The following CDH6 variants were observed in gnomAD, a reference collection of about 807,000 sequenced individuals.
CDH6 encodes the protein cadherin-6.
Under a neutral mutation model 78.0 loss-of-function variants are expected in CDH6, and 31 were observed. The observed-to-expected ratio is 0.40, with a 90% CI of 0.30 to 0.54. The LOEUF (loss-of-function observed/expected upper bound fraction) is 0.54. Ranked by LOEUF, CDH6 falls within the 20% of genes least tolerant of loss-of-function variation. CDH6 has a pLI of 0.56. For missense variants in CDH6, 724 were observed against 975.9 expected (o/e 0.74, Z 3.44); for synonymous variants, 376 against 368.8 (o/e 1.02, Z -0.23).
At chr5:31,288,508 CTATT>C (rs962981212) in intron 2 of CDH6, among the ~76,000 whole-genome samples, 10 of 152,138 alleles carry the variant, frequency 6.6e-5, no homozygotes, top group Admixed American at 6.5e-5. Flanking sequence ...ACAACACTGT[CTATT>C]TATTAGCATT....
At chr5:31,253,147 G>A (rs1741954350) in intron 1 of CDH6, among the ~76,000 whole-genome samples, 1 of 152,188 alleles carries the variant, frequency 6.6e-6, no homozygotes, top group Admixed American at 6.5e-5. Context: ...TCACATGCCA[G>A]AAGGGGTCAG....
intron 2 of CDH6, among the ~76,000 whole-genome samples, chr5:31,268,897 A>T (rs1219368744): frequency 6.6e-6 from 1 of 152,202 alleles, no homozygotes; most frequent in Non-Finnish European, 1.5e-5. Flanking sequence ...TGAATTATTA[A>T]TGTAGAATAA....
intron 1 of CDH6, among the ~76,000 whole-genome samples, chr5:31,210,426 C>A (rs951566367): frequency 2.0e-5 from 3 of 152,112 alleles, no homozygotes; most frequent in Non-Finnish European, 4.4e-5. Context: ...ATCCCTTGAA[C>A]CTGGAAGGCG....
intron 7 of CDH6, among the ~76,000 whole-genome samples, chr5:31,309,534 C>T (rs1309931528): frequency 6.6e-6 from 1 of 152,056 alleles, no homozygotes; most frequent in Non-Finnish European, 1.5e-5. Flanking sequence ...AAAAATCCAG[C>T]TGAAATGGGC....
intron 2 of CDH6, among the ~76,000 whole-genome samples, chr5:31,273,386 C>G (rs1312312207): frequency 1.3e-5 from 2 of 152,118 alleles, no homozygotes; most frequent in Non-Finnish European, 2.9e-5. Context: ...ATTTTCCGAG[C>G]ATTACTTTGT....
At chr5:31,205,778 A>C (rs1419699434) in intron 1 of CDH6, among the ~76,000 whole-genome samples, 2 of 152,180 alleles carry the variant, frequency 1.3e-5, no homozygotes, top group African/African-American at 4.8e-5. Context: ...TTCTTTTTAA[A>C]GTATTTTGAA....
chr5:31,292,357 G>T (rs1401889284), intron 2 of CDH6, among the ~76,000 whole-genome samples: 1 of 152,154 alleles, frequency 6.6e-6, no homozygotes, highest in Non-Finnish European at 1.5e-5. Flanking sequence ...GAAAGAGGCC[G>T]TATATAAAGT....
intron 1 of CDH6, among the ~76,000 whole-genome samples, chr5:31,221,851 T>C (rs892896884): frequency 1.3e-5 from 2 of 152,078 alleles, no homozygotes; most frequent in African/African-American, 2.4e-5. Context: ...CCATTACGAG[T>C]TAGGAGTTTT....
At chr5:31,319,291 C>T (rs776721178) in intron 11 of CDH6, among the ~76,000 whole-genome samples, 7 of 152,160 alleles carry the variant, frequency 4.6e-5, no homozygotes, top group Non-Finnish European at 1.0e-4. Flanking sequence ...TTCACTGTCT[C>T]CTCATGACTT....
chr5:31,272,525 A>T (rs1454203004), intron 2 of CDH6, among the ~76,000 whole-genome samples: 1 of 152,242 alleles, frequency 6.6e-6, no homozygotes, highest in Non-Finnish European at 1.5e-5. Flanking sequence ...TCCATAAGAA[A>T]AAAAGAGCAC....
chr5:31,263,685 C>T (rs1742272427), intron 1 of CDH6, among the ~76,000 whole-genome samples: 2 of 152,078 alleles, frequency 1.3e-5, no homozygotes, highest in South Asian at 4.1e-4. Context: ...AGAAAGAACC[C>T]TCACAATCCA....
rs1737954387 is a variant in CDH6, at chr5:31,305,288, A to C, written c.1114A>C (p.Ile372Leu). Residue 372 changes from isoleucine to leucine, a missense_variant, in exon 7 of 12, where the codon ATT becomes CTT. Around this residue, in one of 3 missense-constraint regions of CDH6, gnomAD observed 446 missense variants for 684.5 expected, o/e 0.65. Coordinates refer to ENST00000265071, the MANE Select transcript of CDH6 (RefSeq NM_004932.4). Reference sequence around the variant, plus strand: ...TTTCAAAGATTCAGCCACGGTTAGAATTGTGGTGGAGGATGTAGATGAGCC... The same window carrying C: ...TTTCAAAGATTCAGCCACGGTTAGACTTGTGGTGGAGGATGTAGATGAGCC... ...GPFKDSATVRIVVEDVDEPPV... is the reference protein window; with the variant it reads ...GPFKDSATVRLVVEDVDEPPV... The C allele has an allele frequency of 6.2e-7, 1 of 1,614,184 alleles. No individual in the cohort carries two copies. Among genetic ancestry groups the C allele is most frequent in the East Asian group, 2.2e-5 (1 of 44,868 alleles).
intron 7 of CDH6, 132 bp from the exon 8 acceptor site, chr5:31,313,186 C>G: frequency 2.9e-6 from 2 of 691,532 alleles, no homozygotes; most frequent in Non-Finnish European, 4.7e-6. Context: ...CAAATATGCA[C>G]TAGAGATGGA....
chr5:31,276,005 TG>T (rs1742680999), intron 2 of CDH6, among the ~76,000 whole-genome samples: 1 of 152,242 alleles, frequency 6.6e-6, no homozygotes, highest in Non-Finnish European at 1.5e-5. Flanking sequence ...GATGTCAATG[TG>T]CCATTGCAAC....
At chr5:31,254,569 A>G (rs1742000639) in intron 1 of CDH6, among the ~76,000 whole-genome samples, 2 of 152,174 alleles carry the variant, frequency 1.3e-5, no homozygotes, top group African/African-American at 4.8e-5. Context: ...ACTGACAGCA[A>G]TTGGGTTCGA....
intron 7 of CDH6, among the ~76,000 whole-genome samples, chr5:31,310,377 A>G (rs903961245): frequency 2.6e-5 from 4 of 152,192 alleles, no homozygotes; most frequent in African/African-American, 9.7e-5. Context: ...TGGCTCTGAA[A>G]GATACAGCCC....
At chr5:31,276,824 A>G (rs1256143784) in intron 2 of CDH6, among the ~76,000 whole-genome samples, 1 of 152,192 alleles carries the variant, frequency 6.6e-6, no homozygotes, top group Non-Finnish European at 1.5e-5. Flanking sequence ...AAGGAGTCAT[A>G]AAATTATTGA....
At chr5:31,310,051 T>C (rs1459330615) in intron 7 of CDH6, among the ~76,000 whole-genome samples, 1 of 152,166 alleles carries the variant, frequency 6.6e-6, no homozygotes, top group African/African-American at 2.4e-5. Flanking sequence ...TCCCCCAAAG[T>C]CTTAACTCAT....
intron 1 of CDH6, among the ~76,000 whole-genome samples, chr5:31,196,447 C>T (rs1301239165): frequency 6.6e-6 from 1 of 152,156 alleles, no homozygotes; most frequent in Non-Finnish European, 1.5e-5. Flanking sequence ...AATGTGTGGT[C>T]CCCCCTTCTG....
Sources: allele counts gnomAD v4.1 joint callset (sites outside exome capture counted in the v4.1 genomes callset), GRCh38; gene constraint gnomAD v4.1.1; regional missense constraint gnomAD v4.1.1; transcripts MANE v1.5; gene names NCBI Gene and HGNC (gene_info 2026-07-23, HGNC 2026-07-21).